Variants in PPHLN1 observed in about 807,000 individuals in gnomAD.
PPHLN1 encodes the protein periphilin-1.
Under a neutral mutation model 51.3 loss-of-function variants are expected in PPHLN1, and 29 were observed. That is an observed-to-expected ratio of 0.57 (90% CI 0.42 to 0.77). PPHLN1 has a LOEUF of 0.77. Among genes scored for constraint, PPHLN1 ranks in the 30% least tolerant of loss-of-function variants. The pLI is 0.00. For synonymous variants in PPHLN1, 147 were observed against 147.8 expected (o/e 0.99, Z 0.04); for missense variants, 436 against 438.4 (o/e 0.99, Z 0.05).
chr12:42,374,724 G>A (rs1428669852), intron 4 of PPHLN1, 139 bp from the exon 5 acceptor site: 11 of 660,146 alleles, frequency 1.7e-5, no homozygotes, highest in Non-Finnish European at 2.7e-5. Context: ...AAAGTGCTGG[G>A]ATTACAGGCG....
chr12:42,388,695 G>T (rs182225300), intron 7 of PPHLN1, among the ~76,000 whole-genome samples: 8 of 152,260 alleles, frequency 5.3e-5, no homozygotes, highest in African/African-American at 1.9e-4. Context: ...GGTGTGGAGG[G>T]GCAGGCCACC....
rs150495208 is a variant in PPHLN1, at chr12:42,399,569, ATGT to A, written c.909+580_909+582del. On this transcript the variant is annotated intron_variant, in intron 9 of 9. Coordinates refer to ENST00000358314, the MANE Select transcript of PPHLN1 (RefSeq NM_201439.2). ...TAACATTTTGTACAGGTGCTTATTG[ATGT>A]TGTTACTCTCTAGTGCGTTGAATAA... The A allele has an allele frequency of 4.8e-3, 1,437 of 298,324 alleles. 14 individuals carry two copies. Among genetic ancestry groups the A allele is most frequent in the African/African-American group, 0.031 (1,362 of 44,028 alleles). 18.5% of individuals were successfully genotyped at this position (298,324 alleles called of 1,614,324 possible).
intron 4 of PPHLN1, among the ~76,000 whole-genome samples, chr12:42,365,765 C>G (rs2075208928): frequency 6.6e-6 from 1 of 152,152 alleles, no homozygotes; most frequent in Admixed American, 6.5e-5. Flanking sequence ...AAGACACTGT[C>G]CTAACTCTCA....
At chr12:42,440,763 G>A (rs1020231200) in intron 9 of PPHLN1, among the ~76,000 whole-genome samples, 3 of 152,216 alleles carry the variant, frequency 2.0e-5, no homozygotes, top group Non-Finnish European at 4.4e-5. Flanking sequence ...ATTTTTAGTA[G>A]AGATGGGGTT....
chr12:42,370,482 A>G (rs1425413675), intron 4 of PPHLN1, among the ~76,000 whole-genome samples: 1 of 152,108 alleles, frequency 6.6e-6, no homozygotes, highest in African/African-American at 2.4e-5. Flanking sequence ...TTGAAATAAG[A>G]GTTTTTCTAT....
intron 4 of PPHLN1, among the ~76,000 whole-genome samples, chr12:42,360,677 T>A (rs2074572964): frequency 6.6e-6 from 1 of 151,912 alleles, no homozygotes; most frequent in Non-Finnish European, 1.5e-5. Flanking sequence ...GTATTTTTAG[T>A]AGAGACGAGG....
chr12:42,447,263 C>G (rs576283163), downstream of PPHLN1: 2 of 152,308 alleles, frequency 1.3e-5, no homozygotes, highest in South Asian at 4.1e-4. Flanking sequence ...TATGCTCTAT[C>G]TCAAGAAACA....
Position 42,406,034 on chromosome 12 carries a change from A to AC in PPHLN1, c.909+7045dup, listed in dbSNP as rs1190051793. On this transcript the variant is annotated intron_variant, in intron 9 of 9. Coordinates refer to ENST00000358314, the MANE Select transcript of PPHLN1 (RefSeq NM_201439.2). ...CCGTTCATCTCCCCTCCTAACCTTT[A>AC]CCCCCTTCAAGGTAACTACTAAATT... Among the ~76,000 whole-genome samples, 4 of 148,592 alleles carry AC rather than the reference A, an allele frequency of 2.7e-5. No individual in the cohort carries two copies. In the Admixed American group the frequency reaches 2.7e-4, roughly 10 times the overall value.
intron 9 of PPHLN1, among the ~76,000 whole-genome samples, chr12:42,412,301 G>T (rs568653163): frequency 6.6e-6 from 1 of 151,984 alleles, no homozygotes; most frequent in Non-Finnish European, 1.5e-5. Context: ...GTCTGCCTTC[G>T]CATACTCAAT....
At chr12:42,414,293 C>T (rs888363688) in intron 9 of PPHLN1, among the ~76,000 whole-genome samples, 10 of 152,094 alleles carry the variant, frequency 6.6e-5, no homozygotes, top group African/African-American at 9.7e-5. Flanking sequence ...CCTCGGCCTC[C>T]CAAAGTGCTG....
At chr12:42,435,994 TTAAAAA>T (rs1388511860) in intron 9 of PPHLN1, among the ~76,000 whole-genome samples, 2 of 152,216 alleles carry the variant, frequency 1.3e-5, no homozygotes, top group Admixed American at 1.3e-4. Context: ...ATTTCACTAA[TTAAAAA>T]TAAAATATAG....
chr12:42,444,841 C>G, downstream of PPHLN1: 1 of 564,616 alleles, frequency 1.8e-6, no homozygotes, highest in Non-Finnish European at 3.1e-6. Context: ...TCCCCCATAC[C>G]TAACGCTGTA....
At chr12:42,346,803 A>T (rs910816524) in intron 2 of PPHLN1, among the ~76,000 whole-genome samples, 3 of 151,996 alleles carry the variant, frequency 2.0e-5, no homozygotes, top group African/African-American at 7.3e-5. Context: ...GTGTGAGGGG[A>T]TATCTCATAG....
At chr12:42,374,772 G>A in intron 4 of PPHLN1, 91 bp from the exon 5 acceptor site, 1 of 1,102,910 alleles carries the variant, frequency 9.1e-7, no homozygotes, top group Non-Finnish European at 1.3e-6. Flanking sequence ...ACAATTTAAA[G>A]GGTAGCTTAT....
intron 9 of PPHLN1, among the ~76,000 whole-genome samples, chr12:42,437,345 A>T (rs1365001910): frequency 6.6e-6 from 1 of 152,176 alleles, no homozygotes; most frequent in Non-Finnish European, 1.5e-5. Flanking sequence ...CATCATCACT[A>T]TAGCTGCCTT....
chr12:42,413,632 G>A (rs537811425), intron 9 of PPHLN1, among the ~76,000 whole-genome samples: 3 of 150,916 alleles, frequency 2.0e-5, no homozygotes, highest in Non-Finnish European at 4.4e-5. Flanking sequence ...CGCCATCTCG[G>A]CTCACTGCAA....
At chr12:42,445,815 A>G (rs2083283810), downstream of PPHLN1, 1 of 797,700 alleles carries the variant, frequency 1.3e-6, no homozygotes, top group African/African-American at 1.7e-5. Flanking sequence ...TGAAATTTAG[A>G]TGATAAATTT....
At chr12:42,379,289 G>A (rs1348906413) in intron 5 of PPHLN1, among the ~76,000 whole-genome samples, 1 of 151,798 alleles carries the variant, frequency 6.6e-6, no homozygotes, top group African/African-American at 2.4e-5. Flanking sequence ...TCACAATCCA[G>A]TCCTTTTATG....
At position 42,349,548 on chromosome 12, in the gene PPHLN1, CCTGCGGCCTT is replaced by C. The variant is rs1300796489; in HGVS notation, c.73-2335_73-2326del. On this transcript the variant is annotated intron_variant, in intron 2 of 9. Transcript: ENST00000358314. ...TCTCTGGTTTTCCTAGGCAGAGGAC[CCTGCGGCCTT>C]CCGCAGTGTTTGTGTCCCTGGGTAC... 3.5e-3 allele frequency among the ~76,000 whole-genome samples: 538 copies of C among 151,864 alleles called. 3 individuals are homozygous for C. Among genetic ancestry groups the C allele is most frequent in the African/African-American group, 0.013 (522 of 41,390 alleles).
Sources: gnomAD v4.1 joint callset for allele counts (sites outside exome capture counted in the v4.1 genomes callset) on GRCh38, gnomAD v4.1.1 for gene constraint, MANE v1.5 for transcripts, NCBI Gene and HGNC (gene_info 2026-07-23, HGNC 2026-07-21) for gene names.